The following UBR3 variants were observed in gnomAD, a reference collection of about 807,000 sequenced individuals.
UBR3 encodes E3 ubiquitin-protein ligase UBR3.
UBR3 carries 85 observed loss-of-function variants against 243.2 expected under a neutral mutation model. The ratio of observed to expected loss-of-function variants is 0.35; its 90% CI spans 0.29 to 0.42. The LOEUF (loss-of-function observed/expected upper bound fraction) is 0.42, where lower values mean the gene tolerates loss of function less well. Among genes scored for constraint, UBR3 ranks in the 10% least tolerant of loss-of-function variants. The pLI is 1.00. For synonymous variants in UBR3, 748 were observed against 799.8 expected, an observed-to-expected ratio of 0.94 and a Z score of 1.09; for missense variants, 1,686 against 2,300.8, an observed-to-expected ratio of 0.73 and a Z score of 5.47.
At chr2:170,063,718 C>T (rs2091497894) in intron 35 of UBR3, among the ~76,000 whole-genome samples, 1 of 152,146 alleles carries the variant, frequency 6.6e-6, no homozygotes, top group Non-Finnish European at 1.5e-5. Flanking sequence ...ATGCTGTCAT[C>T]TTCCAATATA....
intron 1 of UBR3, among the ~76,000 whole-genome samples, chr2:169,838,486 G>A (rs2082188609): frequency 6.6e-6 from 1 of 150,798 alleles, no homozygotes; most frequent in Non-Finnish European, 1.5e-5. Context: ...TGGCAGAAGC[G>A]GGGAAGAGGG....
At chr2:170,080,803 T>C (rs892533715) in intron 38 of UBR3, 119 bp downstream of exon 38, 44 of 1,118,684 alleles carry the variant, frequency 3.9e-5, no homozygotes, top group Non-Finnish European at 5.5e-5. Flanking sequence ...TGACAGTCAT[T>C]AATTTAGAGC....
intron 1 of UBR3, among the ~76,000 whole-genome samples, chr2:169,833,312 G>T (rs1365033462): frequency 2.0e-5 from 3 of 152,150 alleles, no homozygotes; most frequent in African/African-American, 7.2e-5. Context: ...CTCAAATTTT[G>T]GTGCAGAGAA....
At chr2:169,998,164 A>G (rs2089566210) in intron 26 of UBR3, among the ~76,000 whole-genome samples, 5 of 149,490 alleles carry the variant, frequency 3.3e-5, no homozygotes, top group Admixed American at 3.3e-4. Flanking sequence ...CTTTAGAGTA[A>G]ACAGGTAAAG....
rs760162522 is a variant in UBR3 at position 170,045,320 on chromosome 2, CA to C, written c.4660+4337del. ...GTTATCTCCCACTGGGTCCCTCCCA[CA>C]ACACGAGGGAGTTAAAATTATGGGA... On this transcript the variant is annotated intron_variant, in intron 32 of 38. Coordinates refer to ENST00000272793, the MANE Select transcript of UBR3 (RefSeq NM_172070.4). 7.9e-5 allele frequency among the ~76,000 whole-genome samples: 12 copies of C among 152,274 alleles called. No individual in the cohort carries two copies. The Middle Eastern group carries it at 0.01, about 129-fold the overall frequency.
At chr2:169,913,766 T>TG (rs141610119) in intron 10 of UBR3, among the ~76,000 whole-genome samples, 13,198 of 151,442 alleles carry the variant, frequency 0.087, 728 homozygotes, top group Non-Finnish European at 0.13. Flanking sequence ...TATAATAAAT[T>TG]GGGGGGGGTG....
intron 5 of UBR3, among the ~76,000 whole-genome samples, chr2:169,883,832 A>G (rs2083986164): frequency 6.6e-6 from 1 of 152,062 alleles, no homozygotes; most frequent in Non-Finnish European, 1.5e-5. Context: ...TTTAGATTAT[A>G]AGGTTATTTT....
At chr2:169,971,943 CA>C (rs1158613674) in intron 24 of UBR3, among the ~76,000 whole-genome samples, 4 of 152,038 alleles carry the variant, frequency 2.6e-5, no homozygotes, top group East Asian at 1.9e-4. Flanking sequence ...AATAGAGACA[CA>C]AAAAACCCTT....
chr2:170,034,006 G>C (rs986059598), intron 31 of UBR3, among the ~76,000 whole-genome samples: 4 of 108,262 alleles, frequency 3.7e-5, no homozygotes, highest in Non-Finnish European at 8.2e-5. Flanking sequence ...ATTTTTTAAA[G>C]ACTTTGGTTT....
chr2:169,890,868 T>C (rs2084350034), intron 5 of UBR3, among the ~76,000 whole-genome samples: 1 of 150,030 alleles, frequency 6.7e-6, no homozygotes, highest in Non-Finnish European at 1.5e-5. Flanking sequence ...GTGCATTCGA[T>C]GTTAATTTAT....
At chr2:169,998,010 A>G (rs1440365350) in intron 26 of UBR3, among the ~76,000 whole-genome samples, 1 of 152,180 alleles carries the variant, frequency 6.6e-6, no homozygotes. Context: ...TCTGTCTAGG[A>G]ATTTGTCTGT....
intron 1 of UBR3, among the ~76,000 whole-genome samples, chr2:169,866,150 C>CAAAAAAAAAAAAAAAAAAAAAAAAA (rs578054467): frequency 1.9e-5 from 1 of 53,380 alleles, no homozygotes; most frequent in African/African-American, 1.1e-4. Flanking sequence ...GACTGTGTCT[C>CAAAAAAAAAAAAAAAAAAAAAAAAA]AAAAAAAAAA....
chr2:169,861,224 TCGTATC>T (rs2083077538), intron 1 of UBR3, among the ~76,000 whole-genome samples: 1 of 152,198 alleles, frequency 6.6e-6, no homozygotes, highest in Non-Finnish European at 1.5e-5. Flanking sequence ...GAACAATACT[TCGTATC>T]CAATCAAGTT....
chr2:170,045,625 T>A (rs1172439074), intron 32 of UBR3, among the ~76,000 whole-genome samples: 2 of 152,182 alleles, frequency 1.3e-5, no homozygotes. Flanking sequence ...AATATCTCAG[T>A]TTTGCTTTGT....
At chr2:169,950,676 G>A (rs944305530) in intron 23 of UBR3, among the ~76,000 whole-genome samples, 2 of 151,628 alleles carry the variant, frequency 1.3e-5, no homozygotes, top group Non-Finnish European at 2.9e-5. Flanking sequence ...TGTGGGGTTT[G>A]TGGGTCAAGG....
At chr2:169,846,579 A>G (rs2082486378) in intron 1 of UBR3, among the ~76,000 whole-genome samples, 2 of 152,024 alleles carry the variant, frequency 1.3e-5, no homozygotes, top group African/African-American at 4.8e-5. Flanking sequence ...ACGTGGTGGC[A>G]TGTGCCTGTA....
chr2:169,982,259 A>T (rs2088771043), intron 24 of UBR3, among the ~76,000 whole-genome samples: 1 of 152,104 alleles, frequency 6.6e-6, no homozygotes. Context: ...CATCATCCCT[A>T]TATCATTTCC....
intron 33 of UBR3, among the ~76,000 whole-genome samples, chr2:170,056,812 C>G (rs2883447): frequency 0.71 from 108,377 of 152,052 alleles, 39,513 homozygotes; most frequent in East Asian, 0.88. Flanking sequence ...TTCACTGTGT[C>G]TTAATTATGG....
At chr2:169,965,732 T>C (rs1448849507) in intron 24 of UBR3, among the ~76,000 whole-genome samples, 1 of 152,148 alleles carries the variant, frequency 6.6e-6, no homozygotes, top group East Asian at 1.9e-4. Flanking sequence ...ATCACGCTAC[T>C]CAAAATGGTG....
Sources: gnomAD v4.1 joint callset for allele counts (sites outside exome capture counted in the v4.1 genomes callset) on GRCh38, gnomAD v4.1.1 for gene constraint, MANE v1.5 for transcripts, NCBI Gene and HGNC (gene_info 2026-07-23, HGNC 2026-07-21) for gene names.